KXD1: variants seen among roughly 807,000 people sequenced by gnomAD.
KXD1 encodes the protein KxDL motif containing 1, also known as kxDL motif-containing protein 1.
In KXD1, 5 loss-of-function variants were observed where a neutral mutation model predicts 12.1. The observed-to-expected ratio is 0.41, with a 90% CI of 0.22 to 0.87. KXD1 has a LOEUF of 0.87. KXD1 is among the 40% of genes least tolerant of loss of function. The probability of loss-of-function intolerance (pLI) is 0.31; values close to 1 mark genes in which losing one functional copy is unlikely to be tolerated. For missense variants in KXD1, 193 were observed against 244.9 expected, an observed-to-expected ratio of 0.79 and a Z score of 1.41; for synonymous variants, 98 against 100.5, an observed-to-expected ratio of 0.98 and a Z score of 0.15.
chr19:18,568,454 C>A lies in KXD1; in HGVS notation c.354C>A (p.Pro118=), dbSNP rs778829704. 3 of 1,614,064 alleles carry A rather than the reference C, an allele frequency of 1.9e-6. No homozygotes were observed. The South Asian group carries it at 3.3e-5, about 18-fold the overall frequency. The change falls in exon 5 of 5, where the codon CCC becomes CCA. Residue 118 remains proline, a synonymous_variant. Coordinates refer to ENST00000222307, the MANE Select transcript of KXD1 (RefSeq NM_024069.4). ...AAGAGGATGAAGACCCCATCCCACC[C>A]AGCACCACGACCACCATTGCCACCT... is the stretch of plus-strand genomic sequence containing the variant. The part of the protein sequence containing the change: ...LEEEDEDPIP[P]STTTTIATSE...
intron 1 of KXD1, among the ~76,000 whole-genome samples, chr19:18,560,856 A>G (rs1011909282): frequency 1.3e-5 from 2 of 151,854 alleles, no homozygotes; most frequent in Non-Finnish European, 2.9e-5. Flanking sequence ...AAAGGTGCCC[A>G]CCACCATGCC....
intron 3 of KXD1, 104 bp downstream of exon 3, chr19:18,565,125 T>C: frequency 6.5e-7 from 1 of 1,530,204 alleles, no homozygotes. Flanking sequence ...TTTCTGTTTG[T>C]TTTACAAGGC....
intron 1 of KXD1, among the ~76,000 whole-genome samples, chr19:18,560,714 CT>C (rs11313029): frequency 0.64 from 94,416 of 147,916 alleles, 30,189 homozygotes; most frequent in African/African-American, 0.74. Flanking sequence ...TCTACTCCTT[CT>C]TTTTTTTTTT....
chr19:18,565,728 C>T (rs1975188292), intron 3 of KXD1, among the ~76,000 whole-genome samples: 1 of 152,158 alleles, frequency 6.6e-6, no homozygotes. Flanking sequence ...TGCTCTGTCG[C>T]CCAGGCTGGA....
chr19:18,566,718 G>A (rs1417812449), intron 3 of KXD1, among the ~76,000 whole-genome samples: 4 of 151,760 alleles, frequency 2.6e-5, no homozygotes, highest in Non-Finnish European at 5.9e-5. Flanking sequence ...ATGTGAATCC[G>A]GAAGGTGGAG....
At chr19:18,564,797 C>T in intron 2 of KXD1, 72 bp from the exon 3 acceptor site, 1 of 1,553,696 alleles carries the variant, frequency 6.4e-7, no homozygotes, top group South Asian at 1.1e-5. Flanking sequence ...TTGGCATGAA[C>T]AGTCTTCTGG....
chr19:18,563,292 C>T (rs1975019187), intron 2 of KXD1, among the ~76,000 whole-genome samples: 1 of 151,688 alleles, frequency 6.6e-6, no homozygotes, highest in African/African-American at 2.4e-5. Flanking sequence ...TACCTTTTCT[C>T]CCAGACCCAG....
chr19:18,559,546 A>T (rs975637852), intron 1 of KXD1: 1 of 152,210 alleles, frequency 6.6e-6, no homozygotes, highest in Non-Finnish European at 1.5e-5. Context: ...CAGAAAAAAA[A>T]AATCCCTGTT....
intron 1 of KXD1, chr19:18,559,545 A>T (rs971439055): frequency 1.3e-5 from 2 of 152,210 alleles, no homozygotes; most frequent in Non-Finnish European, 2.9e-5. Context: ...CCAGAAAAAA[A>T]AAATCCCTGT....
chr19:18,567,714 C>G (rs1473467496), intron 4 of KXD1, among the ~76,000 whole-genome samples: 1 of 152,180 alleles, frequency 6.6e-6, no homozygotes, highest in African/African-American at 2.4e-5. Context: ...CCTTAAAGGG[C>G]TCTGCAGGCT....
In KXD1 at chr19:18,568,641, C is replaced by T. The variant is rs1162226772; in HGVS notation, c.*10C>T. ...GATGACGGGCGAATAGCCCTGCTGC[C>T]CGGTGCCTTGAGGGGGTCTCAGGGC... On this transcript the variant is annotated 3_prime_UTR_variant, in exon 5 of 5. Coordinates refer to ENST00000222307, the MANE Select transcript of KXD1 (RefSeq NM_024069.4). 11 of 1,600,516 alleles carry T rather than the reference C, an allele frequency of 6.9e-6. No individual in the cohort carries two copies. Among genetic ancestry groups the T allele is most frequent in the African/African-American group, 1.3e-5 (1 of 74,836 alleles).
chr19:18,566,001 G>C (rs2145248236), intron 3 of KXD1, among the ~76,000 whole-genome samples: 1 of 152,222 alleles, frequency 6.6e-6, no homozygotes, highest in East Asian at 1.9e-4. Flanking sequence ...TGTAATTTTT[G>C]TATTTTTTTA....
Position 18,564,956 on chromosome 19 carries a change from C to G in KXD1, c.189C>G (p.Phe63Leu). 1 of 1,612,908 alleles carries G rather than the reference C, an allele frequency of 6.2e-7. No homozygotes were observed. Among genetic ancestry groups the G allele is most frequent in the Non-Finnish European group, 8.5e-7 (1 of 1,180,004 alleles). Residue 63 changes from phenylalanine to leucine, a missense_variant, in exon 3 of 5, where the codon TTC becomes TTG. Coordinates refer to ENST00000222307, the MANE Select transcript of KXD1 (RefSeq NM_024069.4). ...SARLQQMSER[F>L]LHHTRTLVEM... is the part of the protein sequence containing the mutation. ...GCCTGCAGCAGATGAGCGAACGCTT[C>G]CTGCACCACACGAGGACCCTAGTAG...
At position 18,568,623 on chromosome 19, in the gene KXD1, G is replaced by C. The variant is rs756539549; in HGVS notation, c.523G>C (p.Gly175Arg). 14 of 1,609,364 alleles carry C rather than the reference G, an allele frequency of 8.7e-6. No homozygotes were observed. Among genetic ancestry groups the C allele is most frequent in the Middle Eastern group, 1.6e-4 (1 of 6,062 alleles). Reference protein sequence around the residue: ...RSQTDDEEMTGE With the variant: ...RSQTDDEEMTRE ...CCAGACAGATGACGAGGAGATGACG[G>C]GCGAATAGCCCTGCTGCCCGGTGCC... Residue 175 changes from glycine (G) to arginine (R), a missense_variant, in exon 5 of 5, where the codon GGC becomes CGC. Physicochemically the swap from Gly to Arg is moderately radical, Grantham distance 125. Transcript: ENST00000222307.
Position 18,569,150 on chromosome 19 carries a change from A to G in KXD1, c.*519A>G. On this transcript the variant is annotated 3_prime_UTR_variant, in exon 5 of 5. Transcript: ENST00000222307. ...TCAAGGAGGTTTCTGAGATAGGTAG[A>G]AGTCTTGAGACGGAGGCTGGCCATC... 6.2e-6 allele frequency: 1 copy of G among 160,504 alleles called. No homozygotes were observed. The highest frequency in any genetic ancestry group is 1.7e-4 in the South Asian group (1 of 5,928). The allele number at this position is 160,504 out of a possible 1,614,324, so 9.9% of individuals were successfully genotyped here.
intron 2 of KXD1, among the ~76,000 whole-genome samples, chr19:18,563,341 T>C (rs930221891): frequency 7.5e-6 from 1 of 132,580 alleles, no homozygotes; most frequent in Admixed American, 8.4e-5. Context: ...CTCTCTCCTG[T>C]GTCTTTTTTT....
intron 1 of KXD1, 182 bp from the exon 2 acceptor site, chr19:18,561,854 C>G: frequency 6.0e-6 from 3 of 496,188 alleles, no homozygotes; most frequent in South Asian, 5.5e-5. Flanking sequence ...CCCAATACCT[C>G]CAAATTCCTG....
Position 18,568,909 on chromosome 19 carries a change from G to C in KXD1, c.*278G>C, listed in dbSNP as rs561696825. On this transcript the variant is annotated 3_prime_UTR_variant, in exon 5 of 5. Coordinates refer to ENST00000222307, the MANE Select transcript of KXD1 (RefSeq NM_024069.4). The stretch of plus-strand genomic sequence containing the variant: ...TGGAGTCGTGGGGCTGGGCACAGGG[G>C]AATTTTTCCAGAGCTGAGCCTGACG... 427 of 475,154 alleles carry C rather than the reference G, an allele frequency of 9.0e-4. 1 individual carries two copies. Among genetic ancestry groups the C allele is most frequent in the Non-Finnish European group, 1.4e-3 (360 of 263,168 alleles). 29.4% of individuals were successfully genotyped at this position (475,154 alleles called of 1,614,324 possible).
At chr19:18,567,254 T>G (rs768384512) in intron 4 of KXD1, 76 bp downstream of exon 4, 1 of 1,451,322 alleles carries the variant, frequency 6.9e-7, no homozygotes, top group African/African-American at 1.4e-5. Flanking sequence ...GAAGGCCACC[T>G]TGGGGCCTGA....
Sources: allele counts gnomAD v4.1 joint callset (sites outside exome capture counted in the v4.1 genomes callset), GRCh38; gene constraint gnomAD v4.1.1; transcripts MANE v1.5; gene names NCBI Gene and HGNC (gene_info 2026-07-23, HGNC 2026-07-21).